Variants in FRRS1 observed in about 807,000 individuals in gnomAD.
FRRS1 encodes the protein ferric chelate reductase 1.
Under a neutral mutation model 70.7 loss-of-function variants are expected in FRRS1, and 51 were observed. The ratio of observed to expected loss-of-function variants is 0.72; its 90% CI spans 0.58 to 0.91. FRRS1 has a LOEUF of 0.91. Among genes scored for constraint, FRRS1 ranks in the 40% least tolerant of loss-of-function variants. The pLI is 0.00. For synonymous variants in FRRS1, 225 were observed against 238.7 expected, an observed-to-expected ratio of 0.94 and a Z score of 0.53; for missense variants, 672 against 726.0, an observed-to-expected ratio of 0.93 and a Z score of 0.86.
rs1162462307 is a variant in FRRS1, at chr1:99,705,875, A to AT, written c.*3152dup. ...CATCACTTCTTTAGAAGAAAACATGATTTTGCTCATTGTTTTTGGCAACAT... is the reference window on the plus strand; with the variant it reads ...CATCACTTCTTTAGAAGAAAACATGATTTTTGCTCATTGTTTTTGGCAACAT... On this transcript the variant is annotated 3_prime_UTR_variant, in exon 17 of 17. Transcript: ENST00000646001. Among the ~76,000 whole-genome samples the AT allele has an allele frequency of 6.6e-6, 1 of 152,212 alleles. No individual in the cohort carries two copies. The highest frequency in any genetic ancestry group is 1.5e-5 in the Non-Finnish European group (1 of 68,038).
intron 4 of FRRS1, among the ~76,000 whole-genome samples, chr1:99,745,023 G>A (rs1656182930): frequency 6.6e-6 from 1 of 151,060 alleles, no homozygotes; most frequent in South Asian, 2.1e-4. Context: ...AAATCATTGA[G>A]GAGAAAGTGT....
chr1:99,706,118 G>A lies in FRRS1; in HGVS notation c.*2910C>T, dbSNP rs1654029982. On this transcript the variant is annotated 3_prime_UTR_variant, in exon 17 of 17. Transcript: ENST00000646001. ...TGGTCTATTTGGGGCCAGGTGCAAT[G>A]GCTCATGCCTATAATCCCAACACTT... 6.6e-6 allele frequency among the ~76,000 whole-genome samples: 1 copy of A among 152,102 alleles called. No individual in the cohort carries two copies. Among genetic ancestry groups the A allele is most frequent in the Non-Finnish European group, 1.5e-5 (1 of 68,022 alleles).
intron 6 of FRRS1, among the ~76,000 whole-genome samples, chr1:99,739,491 G>T (rs146057374): frequency 0.022 from 3,378 of 152,248 alleles, 58 homozygotes; most frequent in Non-Finnish European, 0.034. Context: ...TCAAACGAAA[G>T]TGCAACAATC....
chr1:99,766,150 G>A (rs766914038), intron 1 of FRRS1, among the ~76,000 whole-genome samples: 6 of 152,086 alleles, frequency 3.9e-5, no homozygotes, highest in Non-Finnish European at 7.4e-5. Context: ...TAGGGAGTGG[G>A]AGGGTAAGGG....
At position 99,703,976 on chromosome 1, in the gene FRRS1, G is replaced by A. The variant is rs1248198459; in HGVS notation, c.*5052C>T. ...CATATTAATACAATAGTCGTCCTGC[G>A]TCTGCTTTATTTTATTCAGCATAAT... On this transcript the variant is annotated 3_prime_UTR_variant, in exon 17 of 17. Transcript: ENST00000646001. 6.6e-6 allele frequency among the ~76,000 whole-genome samples: 1 copy of A among 151,852 alleles called. No homozygotes were observed. Among genetic ancestry groups the A allele is most frequent in the Non-Finnish European group, 1.5e-5 (1 of 68,008 alleles).
chr1:99,714,703 T>C (rs996520223), intron 12 of FRRS1, among the ~76,000 whole-genome samples: 1 of 152,162 alleles, frequency 6.6e-6, no homozygotes, highest in Admixed American at 6.5e-5. Flanking sequence ...GGATTTGACA[T>C]GGGATGTGCA....
intron 13 of FRRS1, 84 bp downstream of exon 13, chr1:99,712,334 A>C: frequency 8.9e-7 from 1 of 1,119,826 alleles, no homozygotes; most frequent in South Asian, 1.5e-5. Context: ...TAAAATGCAA[A>C]ATTTTTCCAT....
intron 12 of FRRS1, among the ~76,000 whole-genome samples, 185 bp from the exon 13 acceptor site, chr1:99,712,700 A>T (rs1255577039): frequency 6.6e-6 from 1 of 152,206 alleles, no homozygotes; most frequent in Non-Finnish European, 1.5e-5. Context: ...TACACTTTAC[A>T]CACACTAATT....
rs747302404 is a variant in FRRS1, at chr1:99,712,407, G to A, written c.1421+11C>T. The A allele has an allele frequency of 1.9e-6, 3 of 1,552,368 alleles. No homozygotes were observed. In the South Asian group the frequency reaches 3.5e-5, roughly 18 times the overall value. On this transcript the variant is annotated intron_variant, in intron 13 of 16. Coordinates refer to ENST00000646001, the MANE Select transcript of FRRS1 (RefSeq NM_001361041.2). ...ATTAAGAGAGCATTTATATAGAAAG[G>A]CTCTAAGTACCTTGGGTCATGTAAA...
rs181763827 is a variant in FRRS1, at chr1:99,726,714, C to T, written c.1006+1779G>A. Among the ~76,000 whole-genome samples the T allele has an allele frequency of 2.1e-3, 327 of 152,150 alleles. 3 individuals are homozygous for T. Among genetic ancestry groups the T allele is most frequent in the African/African-American group, 7.6e-3 (317 of 41,496 alleles). On this transcript the variant is annotated intron_variant, in intron 9 of 16. Coordinates refer to ENST00000646001, the MANE Select transcript of FRRS1 (RefSeq NM_001361041.2). ...TTAATTCCCTACATTTCCCATGTTC[C>T]TTTTCTTTTTGAGACAGGGTCTCCC...
chr1:99,764,737 T>G (rs1571167370), intron 1 of FRRS1, among the ~76,000 whole-genome samples: 1 of 152,326 alleles, frequency 6.6e-6, no homozygotes, highest in East Asian at 1.9e-4. Context: ...TTTTCTCACT[T>G]GTTAGAGACA....
At chr1:99,730,421 T>C (rs985857539) in intron 7 of FRRS1, among the ~76,000 whole-genome samples, 4 of 152,216 alleles carry the variant, frequency 2.6e-5, no homozygotes, top group African/African-American at 9.6e-5. Context: ...TTAGATCTTA[T>C]TCTTTAAAGT....
intron 7 of FRRS1, among the ~76,000 whole-genome samples, chr1:99,734,793 T>C (rs529934650): frequency 1.3e-5 from 2 of 152,208 alleles, no homozygotes; most frequent in South Asian, 4.1e-4. Context: ...GGGGGCATAA[T>C]AAAAAGTTCA....
At chr1:99,727,332 T>G (rs1655123509) in intron 9 of FRRS1, among the ~76,000 whole-genome samples, 1 of 152,234 alleles carries the variant, frequency 6.6e-6, no homozygotes, top group African/African-American at 2.4e-5. Flanking sequence ...AAGAAATTAT[T>G]TTCAAGCCAT....
At chr1:99,748,789 C>T in intron 2 of FRRS1, 21 bp from the exon 3 acceptor site, 1 of 1,579,436 alleles carries the variant, frequency 6.3e-7, no homozygotes, top group Non-Finnish European at 8.7e-7. Context: ...AGGGTAAAAG[C>T]CCATTATTGT....
intron 1 of FRRS1, among the ~76,000 whole-genome samples, chr1:99,764,481 T>G (rs914421020): frequency 3.9e-5 from 6 of 152,190 alleles, no homozygotes; most frequent in African/African-American, 1.4e-4. Flanking sequence ...GGTGGTTAGA[T>G]ATTTTCTTTT....
In FRRS1 at chr1:99,736,801, TAAAAAAGAATAA is replaced by T. The variant is rs1283982411; in HGVS notation, c.759+1273_759+1284del. ...AAAATAAAAATAAATAAAATAAAAATAAAAAAGAATAAAAAAAAGAATTAGGACAATTAAAAA... is the reference window on the plus strand; with the variant it reads ...AAAATAAAAATAAATAAAATAAAAATAAAAAAGAATTAGGACAATTAAAAA... On this transcript the variant is annotated intron_variant, in intron 7 of 16. Coordinates refer to ENST00000646001, the MANE Select transcript of FRRS1 (RefSeq NM_001361041.2). Among the ~76,000 whole-genome samples the T allele has an allele frequency of 2.3e-3, 217 of 93,114 alleles. 1 individual carries two copies. The highest frequency in any genetic ancestry group is 0.021 in the African/African-American group (211 of 10,258). 61.1% of individuals were successfully genotyped at this position (93,114 alleles called of 152,430 possible).
chr1:99,742,864 T>G (rs996045103), intron 4 of FRRS1, among the ~76,000 whole-genome samples: 1 of 152,192 alleles, frequency 6.6e-6, no homozygotes, highest in African/African-American at 2.4e-5. Context: ...ATCACACGGT[T>G]CTACTTATGT....
At position 99,704,583 on chromosome 1, in the gene FRRS1, G is replaced by T. The variant is rs1653981699; in HGVS notation, c.*4445C>A. On this transcript the variant is annotated 3_prime_UTR_variant, in exon 17 of 17. Transcript: ENST00000646001. ...CCCCTGCCTTCAGCGCCCAAATGTT[G>T]CATTTCCTAAGACCACCCTGGCTCA... Among the ~76,000 whole-genome samples, 1 of 152,132 alleles carries T rather than the reference G, an allele frequency of 6.6e-6. No individual in the cohort carries two copies. The highest frequency in any genetic ancestry group is 1.5e-5 in the Non-Finnish European group (1 of 68,032).
Sources: allele counts gnomAD v4.1 joint callset (sites outside exome capture counted in the v4.1 genomes callset), GRCh38; gene constraint gnomAD v4.1.1; transcripts MANE v1.5; gene names NCBI Gene and HGNC (gene_info 2026-07-23, HGNC 2026-07-21).